Variants in FURIN observed in about 807,000 individuals in gnomAD.
The protein encoded by FURIN is FES upstream region.
A neutral mutation model predicts 89.2 loss-of-function variants in FURIN; 18 were observed. That is an observed-to-expected ratio of 0.20 (90% CI 0.14 to 0.30). The LOEUF is 0.30. FURIN is among the 10% of genes least tolerant of loss of function. The pLI, the probability that FURIN is intolerant of heterozygous loss-of-function variation, is 1.00. For missense variants in FURIN, 879 were observed against 1,100.5 expected (o/e 0.80, Z 2.85); for synonymous variants, 508 against 466.4 (o/e 1.09, Z -1.15).
intron 1 of FURIN, chr15:90,873,091 A>C (rs997906321): frequency 2.0e-5 from 3 of 152,296 alleles, no homozygotes; most frequent in African/African-American, 7.2e-5. Context: ...ACAAACTGGG[A>C]CTAGAGGGTG....
At chr15:90,870,465 CAG>C (rs2031231670) in intron 1 of FURIN, among the ~76,000 whole-genome samples, 1 of 151,960 alleles carries the variant, frequency 6.6e-6, no homozygotes, top group African/African-American at 2.4e-5. Flanking sequence ...AGAAAACACT[CAG>C]TGGATTTTTT....
chr15:90,874,874 T>A (rs559513683), intron 1 of FURIN, among the ~76,000 whole-genome samples: 114 of 152,352 alleles, frequency 7.5e-4, no homozygotes, highest in African/African-American at 2.6e-3. Context: ...TATACATGTA[T>A]AAATAGTTTT....
intron 1 of FURIN, among the ~76,000 whole-genome samples, chr15:90,872,644 C>A (rs2031380206): frequency 2.6e-5 from 4 of 152,192 alleles, no homozygotes; most frequent in Non-Finnish European, 5.9e-5. Flanking sequence ...GCCGCTGGTC[C>A]AGCAGTTTTT....
chr15:90,882,089 G>C lies in FURIN; in HGVS notation c.*211G>C. On this transcript the variant is annotated 3_prime_UTR_variant, in exon 16 of 16. Transcript: ENST00000268171. ...TGGGGAGGGCCGTACCCCACCCTCA[G>C]CACCCCTTCCATGTGGAGAAAGGAG... The C allele has an allele frequency of 5.4e-6, 3 of 558,604 alleles. No individual in the cohort carries two copies. Among genetic ancestry groups the C allele is most frequent in the Non-Finnish European group, 9.5e-6 (3 of 314,770 alleles). 34.6% of individuals were successfully genotyped at this position (558,604 alleles called of 1,614,324 possible).
intron 1 of FURIN, among the ~76,000 whole-genome samples, chr15:90,874,216 C>T (rs987981245): frequency 1.3e-5 from 2 of 152,354 alleles, no homozygotes; most frequent in East Asian, 1.9e-4. Context: ...TATGTGGCCC[C>T]GGGCAGAGAG....
At position 90,881,057 on chromosome 15, in the gene FURIN, G is replaced by T; in HGVS notation, c.1792+17G>T. ...CCTGTGTGGGTCAGTAGTGGGTGCT[G>T]TTGGGCTTTGGGGGCCTGAGTCTGG... On this transcript the variant is annotated intron_variant, in intron 15 of 15. Transcript: ENST00000268171. The surrounding 1 kb of genome is among the most constrained non-coding windows in gnomAD (Gnocchi z 4.3). 6.4e-7 allele frequency: 1 copy of T among 1,573,092 alleles called. No homozygotes were observed. Among genetic ancestry groups the T allele is most frequent in the Non-Finnish European group, 8.8e-7 (1 of 1,142,594 alleles).
rs755442712 is a variant in FURIN at position 90,875,675 on chromosome 15, G to C, written c.-66G>C. 104 of 1,389,366 alleles carry C rather than the reference G, an allele frequency of 7.5e-5. No individual in the cohort carries two copies. The highest frequency in any genetic ancestry group is 9.7e-5 in the Non-Finnish European group (101 of 1,040,252). The allele number at this position is 1,389,366 out of a possible 1,614,324, so 86.1% of individuals were successfully genotyped here. A position where few individuals can be genotyped will look rare whatever the true frequency, so the allele number is the denominator to read the frequency against. On this transcript the variant is annotated 5_prime_UTR_variant, in exon 2 of 16. Transcript: ENST00000268171. ...CCACAGGCAGTGAGCAGGCACCTGG[G>C]AGCCGAGGCCCTGTGACCAGGCCAA...
At position 90,880,179 on chromosome 15, in the gene FURIN, C is replaced by G; in HGVS notation, c.1462C>G (p.Gln488Glu). The change falls in exon 13 of 16, where the codon CAG becomes GAG. Residue 488 changes from glutamine (Q) to glutamate (E), a missense_variant. By Grantham distance (29) the Gln-to-Glu change is conservative. Coordinates refer to ENST00000268171, the MANE Select transcript of FURIN (RefSeq NM_002569.4). ...CCACATCACTCGGCTGGAGCACGCTCAGGCGCGGCTCACCCTGTCCTATAA... is the reference window on the plus strand; with the variant it reads ...CCACATCACTCGGCTGGAGCACGCTGAGGCGCGGCTCACCCTGTCCTATAA... ...PNHITRLEHA[Q>E]ARLTLSYNRR... 6.2e-7 allele frequency: 1 copy of G among 1,612,632 alleles called. No homozygotes were observed. Among genetic ancestry groups the G allele is most frequent in the Non-Finnish European group, 8.5e-7 (1 of 1,179,644 alleles).
chr15:90,870,072 C>A (rs1371581887), intron 1 of FURIN, among the ~76,000 whole-genome samples: 1 of 152,308 alleles, frequency 6.6e-6, no homozygotes, highest in African/African-American at 2.4e-5. Flanking sequence ...CTTTGAGGAC[C>A]CAGCATTGTT....
At position 90,876,373 on chromosome 15, in the gene FURIN, C is replaced by T; in HGVS notation, c.276+20C>T. On this transcript the variant is annotated intron_variant, in intron 3 of 15. Coordinates refer to ENST00000268171, the MANE Select transcript of FURIN (RefSeq NM_002569.4). The surrounding 1 kb of genome is among the most constrained non-coding windows in gnomAD (Gnocchi z 5.0). The stretch of plus-strand genomic sequence containing the variant: ...CCTCAAGTGAGTGTGGCCCCAGCCC[C>T]CTCCTGCTGCCACCCTCCCCCTCCT... 1.3e-6 allele frequency: 2 copies of T among 1,560,576 alleles called. No individual in the cohort carries two copies. The highest frequency in any genetic ancestry group is 2.2e-5 in the East Asian group (1 of 44,642).
chr15:90,878,553 A>G (rs1159182256), intron 8 of FURIN, among the ~76,000 whole-genome samples: 2 of 152,192 alleles, frequency 1.3e-5, no homozygotes, highest in Non-Finnish European at 2.9e-5. Flanking sequence ...TCCTGGCCTC[A>G]AGCGATCCTC....
chr15:90,876,621 C>T lies in FURIN; in HGVS notation c.372+64C>T, dbSNP rs2031644450. 9.1e-7 allele frequency: 1 copy of T among 1,099,190 alleles called. No individual in the cohort carries two copies. The highest frequency in any genetic ancestry group is 1.8e-5 in the Admixed American group (1 of 55,364). 68.1% of individuals were successfully genotyped at this position (1,099,190 alleles called of 1,614,324 possible). On this transcript the variant is annotated intron_variant, in intron 4 of 15. Transcript: ENST00000268171. The surrounding 1 kb of genome is among the most constrained non-coding windows in gnomAD (Gnocchi z 5.0). Reference sequence around the variant, plus strand: ...ATGCACCATCCACCCACTATGAGCTCTTGGATGGAGGAGGCTGTCTTCGAG... The same window carrying T: ...ATGCACCATCCACCCACTATGAGCTTTTGGATGGAGGAGGCTGTCTTCGAG...
In FURIN at chr15:90,881,175, C is replaced by A; in HGVS notation, c.1793-111C>A. On this transcript the variant is annotated intron_variant, in intron 15 of 15. Transcript: ENST00000268171. This position sits in a 1 kb window ranked among gnomAD's most constrained non-coding sequence, Gnocchi z 4.3. ...CTGGGGCTCTTGGGATGACCACAGT[C>A]CTGGGGCTGGAGGATCCTGGGGATG... The A allele has an allele frequency of 1.8e-6, 2 of 1,107,938 alleles. No individual in the cohort carries two copies. Among genetic ancestry groups the A allele is most frequent in the Non-Finnish European group, 2.7e-6 (2 of 752,628 alleles). The allele number at this position is 1,107,938 out of a possible 1,614,324, so 68.6% of individuals were successfully genotyped here.
intron 13 of FURIN, 74 bp downstream of exon 13, chr15:90,880,347 T>C: frequency 7.9e-7 from 1 of 1,263,882 alleles, no homozygotes; most frequent in Non-Finnish European, 1.1e-6. Context: ...CTTTGCTCGC[T>C]CACACGGCCC....
intron 1 of FURIN, among the ~76,000 whole-genome samples, 197 bp from the exon 2 acceptor site, chr15:90,875,383 TTG>T (rs2031555296): frequency 1.3e-5 from 2 of 152,056 alleles, no homozygotes; most frequent in Non-Finnish European, 2.9e-5. Context: ...TTGGGGGGGA[TTG>T]TGAGGGCATC....
chr15:90,875,874 C>T lies in FURIN; in HGVS notation c.134C>T (p.Ala45Val), dbSNP rs1223967652. The T allele has an allele frequency of 6.3e-7, 1 of 1,589,332 alleles. No homozygotes were observed. Among genetic ancestry groups the T allele is most frequent in the East Asian group, 2.3e-5 (1 of 44,144 alleles). ...AVRIPGGPAVANSVARKHGFL... is the reference protein window; with the variant it reads ...AVRIPGGPAVVNSVARKHGFL... ...CGCATCCCTGGAGGCCCAGCGGTGGCCAACAGTGTGGCACGGAAGCATGGG... is the reference window on the plus strand; with the variant it reads ...CGCATCCCTGGAGGCCCAGCGGTGGTCAACAGTGTGGCACGGAAGCATGGG... The change falls in exon 2 of 16, where the codon GCC becomes GTC. Residue 45 changes from alanine to valine, a missense_variant. Ala to Val is a moderately conservative substitution (Grantham distance 64, BLOSUM62 0). Coordinates refer to ENST00000268171, the MANE Select transcript of FURIN (RefSeq NM_002569.4).
rs1184523676 is a variant in FURIN at position 90,876,422 on chromosome 15, C to G, written c.277-40C>G. 4 of 1,559,242 alleles carry G rather than the reference C, an allele frequency of 2.6e-6. No individual in the cohort carries two copies. The Admixed American group carries it at 5.0e-5, about 20-fold the overall frequency. ...CTGCTCTCAGGAGCCCCTCTCGCCT[C>G]CTGCTCCACCCACACCATCTCTCCC... On this transcript the variant is annotated intron_variant, in intron 3 of 15. Transcript: ENST00000268171. The surrounding 1 kb of genome is among the most constrained non-coding windows in gnomAD (Gnocchi z 5.0).
chr15:90,877,673 C>T (rs953214866), intron 7 of FURIN, 58 bp downstream of exon 7: 36 of 1,220,894 alleles, frequency 2.9e-5, no homozygotes, highest in East Asian at 1.0e-4. Context: ...GAATTTTTCC[C>T]GCCCACTTCC....
rs752966657 is a variant in FURIN at position 90,879,899 on chromosome 15, G to A, written c.1291G>A (p.Ala431Thr). The A allele has an allele frequency of 3.1e-6, 5 of 1,613,474 alleles. No homozygotes were observed. The highest frequency in any genetic ancestry group is 4.5e-5 in the East Asian group (2 of 44,888). ...SHSYGYGLLD[A>T]GAMVALAQNW... The stretch of plus-strand genomic sequence containing the variant: ...CTCATATGGCTACGGGCTTTTGGAC[G>A]CAGGCGCCATGGTGGCCCTGGCCCA... Residue 431 changes from alanine (A) to threonine (T), a missense_variant, in exon 12 of 16, where the codon GCA (alanine) becomes ACA (threonine). Physicochemically the swap from Ala to Thr is moderately conservative, Grantham distance 58. Transcript: ENST00000268171.
Sources: allele counts gnomAD v4.1 joint callset (sites outside exome capture counted in the v4.1 genomes callset), GRCh38; gene constraint gnomAD v4.1.1; non-coding constraint Gnocchi (gnomAD v3.1); transcripts MANE v1.5; gene names NCBI Gene and HGNC (gene_info 2026-07-23, HGNC 2026-07-21).